HTT: variants seen among roughly 807,000 people sequenced by gnomAD.
The protein encoded by HTT is huntington disease protein.
HTT carries 104 observed loss-of-function variants against 362.3 expected under a neutral mutation model. That is an observed-to-expected ratio of 0.29 (90% CI 0.24 to 0.34). HTT has a LOEUF of 0.34. HTT is among the 10% of genes least tolerant of loss of function. The pLI is 1.00. For synonymous variants in HTT, 1,577 were observed against 1,548.7 expected (o/e 1.02, Z -0.43); for missense variants, 3,301 against 3,928.6 (o/e 0.84, Z 4.27).
chr4:3,203,658 A>T, intron 41 of HTT, among the ~76,000 whole-genome samples: 1 of 152,248 alleles, frequency 6.6e-6, no homozygotes, highest in East Asian at 1.9e-4. Context: ...TTCACGGCAG[A>T]TGGAGAATTT....
chr4:3,207,463 A>G, intron 45 of HTT, 106 bp downstream of exon 45: 1 of 934,624 alleles, frequency 1.1e-6, no homozygotes, highest in Non-Finnish European at 1.7e-6. Context: ...GATGTGCCTT[A>G]TAGGTGGGTT....
chr4:3,080,061 G>A (rs774676664), intron 1 of HTT, among the ~76,000 whole-genome samples: 1 of 151,864 alleles, frequency 6.6e-6, no homozygotes, highest in Non-Finnish European at 1.5e-5. Context: ...TAAGTCTGGG[G>A]AAATTCAACA....
At chr4:3,135,442 G>T (rs1578526078) in intron 19 of HTT, among the ~76,000 whole-genome samples, 2 of 144,888 alleles carry the variant, frequency 1.4e-5, no homozygotes, top group East Asian at 1.9e-4. Flanking sequence ...ATAATTTAGG[G>T]TTTGTTTTTT....
Position 3,187,808 on chromosome 4 carries a change from A to T in HTT, c.5147A>T (p.Asp1716Val). 2 of 1,613,422 alleles carry T rather than the reference A, an allele frequency of 1.2e-6. No individual in the cohort carries two copies. The highest frequency in any genetic ancestry group is 1.7e-6 in the Non-Finnish European group (2 of 1,179,358). ...TGTACAGTAATTAATAGGTTAAGAG[A>T]TGGGGACAGTACTTCAACGCTAGAA... ...ISCTVINRLR[D>V]GDSTSTLEEH... The change falls in exon 39 of 67, where the codon GAT becomes GTT. Residue 1716 changes from aspartate to valine, a missense_variant. Asp to Val is a radical substitution (Grantham distance 152). This residue lies in a region of HTT where 2,316 missense variants were observed against 2,658.5 expected (regional missense o/e 0.87). Coordinates refer to ENST00000355072, the MANE Select transcript of HTT (RefSeq NM_001388492.1).
chr4:3,109,898 C>T (rs1560551335), intron 6 of HTT, among the ~76,000 whole-genome samples: 1 of 152,128 alleles, frequency 6.6e-6, no homozygotes, highest in Non-Finnish European at 1.5e-5. Context: ...GGGCCACCTG[C>T]AAGGTCTAAT....
chr4:3,159,926 T>C (rs926897291), intron 28 of HTT, among the ~76,000 whole-genome samples: 4 of 152,210 alleles, frequency 2.6e-5, no homozygotes, highest in Non-Finnish European at 2.9e-5. Context: ...GTATAAGGAA[T>C]AGGACTTAGT....
Position 3,189,385 on chromosome 4 carries a change from C to T in HTT, c.5368+292C>T, listed in dbSNP as rs115694565. Among the ~76,000 whole-genome samples the T allele has an allele frequency of 6.4e-3, 972 of 152,220 alleles. 12 individuals carry two copies. The highest frequency in any genetic ancestry group is 0.022 in the African/African-American group (914 of 41,524). ...ATGTGGAACCAACTGAAGTGTCCCTCGATGGATGAATGGATAAGCAAAATC... is the reference window on the plus strand; with the variant it reads ...ATGTGGAACCAACTGAAGTGTCCCTTGATGGATGAATGGATAAGCAAAATC... On this transcript the variant is annotated intron_variant, in intron 40 of 66. Transcript: ENST00000355072.
chr4:3,157,224 A>AAT (rs1717194997), intron 28 of HTT, 25 bp downstream of exon 28: 7 of 1,598,830 alleles, frequency 4.4e-6, no homozygotes, highest in African/African-American at 1.3e-5. Context: ...ATCTTTTAAA[A>AAT]ATATATATGC....
chr4:3,107,300 C>T lies in HTT; in HGVS notation c.624C>T (p.Asn208=), dbSNP rs760155173. 6.2e-7 allele frequency: 1 copy of T among 1,614,200 alleles called. No homozygotes were observed. The highest frequency in any genetic ancestry group is 1.7e-5 in the Admixed American group (1 of 60,026). ...GCATACACAGGCCTTACCTGGTGAA[C>T]CTTCTGCCGTGCCTGACTCGAACAA... is the stretch of plus-strand genomic sequence containing the variant. The part of the protein sequence containing the change: ...RPQKCRPYLV[N]LLPCLTRTSK... The change falls in exon 6 of 67, where the codon AAC becomes AAT. Residue 208 remains asparagine (N), a synonymous_variant. Coordinates refer to ENST00000355072, the MANE Select transcript of HTT (RefSeq NM_001388492.1).
At chr4:3,168,126 G>A (rs187793054) in intron 29 of HTT, among the ~76,000 whole-genome samples, 31 of 152,372 alleles carry the variant, frequency 2.0e-4, no homozygotes, top group South Asian at 4.1e-4. Context: ...CTGACTCACA[G>A]CATGGCAAGG....
Position 3,175,104 on chromosome 4 carries a change from T to A in HTT, c.4404T>A (p.Asp1468Glu). 6.2e-7 allele frequency: 1 copy of A among 1,609,118 alleles called. No homozygotes were observed. Among genetic ancestry groups the A allele is most frequent in the Non-Finnish European group, 8.5e-7 (1 of 1,178,262 alleles). ...TTAATTACTGTCTTCTGGATTCAGA[T>A]CAGGTTTGTCACTTTTATCTTTCAT... ...LRVNYCLLDSDQVFIGFVLKQ... is the reference protein window; with the variant it reads ...LRVNYCLLDSEQVFIGFVLKQ... Residue 1468 changes from aspartate to glutamate, a missense_variant, in exon 33 of 67, where the codon GAT (aspartate) becomes GAA (glutamate). Physicochemically the swap from Asp to Glu is conservative, Grantham distance 45. Coordinates refer to ENST00000355072, the MANE Select transcript of HTT (RefSeq NM_001388492.1).
At chr4:3,217,169 C>T (rs1462621860) in intron 51 of HTT, among the ~76,000 whole-genome samples, 3 of 152,182 alleles carry the variant, frequency 2.0e-5, no homozygotes, top group African/African-American at 7.2e-5. Context: ...GTAATACACA[C>T]TCACTGCCTC....
At chr4:3,194,194 C>T (rs932809398) in intron 40 of HTT, among the ~76,000 whole-genome samples, 2 of 152,178 alleles carry the variant, frequency 1.3e-5, no homozygotes, top group Non-Finnish European at 2.9e-5. Flanking sequence ...CCATTTCAGG[C>T]GTGGGTACTT....
intron 49 of HTT, 106 bp from the exon 50 acceptor site, chr4:3,213,852 C>A: frequency 1.0e-6 from 1 of 998,428 alleles, no homozygotes; most frequent in Non-Finnish European, 1.4e-6. Context: ...GGCACCTGGA[C>A]GCGCTGCCCC....
intron 26 of HTT, among the ~76,000 whole-genome samples, chr4:3,150,274 TGACTGAA>T (rs1311071918): frequency 6.6e-6 from 1 of 152,228 alleles, no homozygotes; most frequent in East Asian, 1.9e-4. Context: ...GCAGCTAGTG[TGACTGAA>T]GAACTGAACC....
At chr4:3,134,602 T>C (rs1260549256) in intron 19 of HTT, 62 bp downstream of exon 19, 11 of 1,423,946 alleles carry the variant, frequency 7.7e-6, no homozygotes, top group South Asian at 1.2e-5. Flanking sequence ...CTGGGATCAC[T>C]TGATGCAAGG....
chr4:3,185,705 G>A (rs983944549), intron 37 of HTT, among the ~76,000 whole-genome samples: 1 of 152,208 alleles, frequency 6.6e-6, no homozygotes. Flanking sequence ...TTGAGCTCAG[G>A]AGTTTGAGAC....
At chr4:3,185,098 G>C (rs767823090) in intron 37 of HTT, among the ~76,000 whole-genome samples, 1 of 152,198 alleles carries the variant, frequency 6.6e-6, no homozygotes, top group Admixed American at 6.5e-5. Context: ...ACAGGAGAGA[G>C]ACTTGGGAAA....
At position 3,218,768 on chromosome 4, in the gene HTT, C is replaced by T. The variant is rs6843770; in HGVS notation, c.7242+816C>T. ...GAAATGGCATCATCTCCCACCAGCCCGCTGAAATAAGATGATGGGGCCTGT... is the reference window on the plus strand; with the variant it reads ...GAAATGGCATCATCTCCCACCAGCCTGCTGAAATAAGATGATGGGGCCTGT... On this transcript the variant is annotated intron_variant, in intron 52 of 66. Coordinates refer to ENST00000355072, the MANE Select transcript of HTT (RefSeq NM_001388492.1). This position sits in a 1 kb window ranked among gnomAD's most constrained non-coding sequence, Gnocchi z 4.4. Among the ~76,000 whole-genome samples, 187 of 152,274 alleles carry T rather than the reference C, an allele frequency of 1.2e-3. 1 individual carries two copies. Among genetic ancestry groups the T allele is most frequent in the African/African-American group, 4.2e-3 (176 of 41,548 alleles).
Sources: allele counts gnomAD v4.1 joint callset (sites outside exome capture counted in the v4.1 genomes callset), GRCh38; gene constraint gnomAD v4.1.1; regional missense constraint gnomAD v4.1.1; non-coding constraint Gnocchi (gnomAD v3.1); transcripts MANE v1.5; gene names NCBI Gene and HGNC (gene_info 2026-07-23, HGNC 2026-07-21).